RSPO2: variants seen among roughly 807,000 people sequenced by gnomAD.
RSPO2 encodes the protein R-spondin 2, also known as R-spondin-2.
A neutral mutation model predicts 30.9 loss-of-function variants in RSPO2; 14 were observed. The ratio of observed to expected loss-of-function variants is 0.45; its 90% CI spans 0.30 to 0.71. The LOEUF (loss-of-function observed/expected upper bound fraction) is 0.71, where lower values mean the gene tolerates loss of function less well. Ranked by LOEUF, RSPO2 falls within the 30% of genes least tolerant of loss-of-function variation. The pLI is 0.08. For synonymous variants in RSPO2, 107 were observed against 96.4 expected (o/e 1.11, Z -0.64); for missense variants, 264 against 301.9 (o/e 0.87, Z 0.93).
chr8:107,957,175 C>A (rs556972060), intron 5 of RSPO2, among the ~76,000 whole-genome samples: 1 of 152,290 alleles, frequency 6.6e-6, no homozygotes, highest in African/African-American at 2.4e-5. Flanking sequence ...TCTTTCTGGG[C>A]TATGGTCATA....
chr8:108,067,369 TG>T (rs1293555742), intron 2 of RSPO2, among the ~76,000 whole-genome samples: 1 of 152,210 alleles, frequency 6.6e-6, no homozygotes, highest in Non-Finnish European at 1.5e-5. Context: ...AATCTCTATT[TG>T]TAAGAAATAC....
chr8:108,071,741 A>C (rs1194018321), intron 2 of RSPO2, among the ~76,000 whole-genome samples: 1 of 152,196 alleles, frequency 6.6e-6, no homozygotes, highest in Non-Finnish European at 1.5e-5. Flanking sequence ...AAACACACAC[A>C]CATCTGAAGA....
At chr8:108,075,661 G>T (rs1440852425) in intron 2 of RSPO2, among the ~76,000 whole-genome samples, 1 of 147,542 alleles carries the variant, frequency 6.8e-6, no homozygotes, top group Non-Finnish European at 1.5e-5. Context: ...TACTGGGCTG[G>T]GAATGCTTTT....
intron 3 of RSPO2, among the ~76,000 whole-genome samples, chr8:107,964,319 T>C (rs1352088802): frequency 6.6e-6 from 1 of 152,260 alleles, no homozygotes; most frequent in Non-Finnish European, 1.5e-5. Context: ...CTCGGCTCAC[T>C]GCGACCTCTG....
chr8:107,903,792 T>C (rs1203156803), intron 5 of RSPO2, among the ~76,000 whole-genome samples: 1 of 152,104 alleles, frequency 6.6e-6, no homozygotes, highest in Non-Finnish European at 1.5e-5. Context: ...GTTTTGCTTT[T>C]GGCCAGTCCC....
At chr8:107,984,699 T>C (rs915695041) in intron 3 of RSPO2, among the ~76,000 whole-genome samples, 1 of 152,226 alleles carries the variant, frequency 6.6e-6, no homozygotes, top group Non-Finnish European at 1.5e-5. Context: ...TTTTTAATGA[T>C]GCAAGAGTGG....
chr8:107,960,724 T>A lies in RSPO2; in HGVS notation c.377A>T (p.Asp126Val). 6.2e-7 allele frequency: 1 copy of A among 1,613,656 alleles called. No individual in the cohort carries two copies. The highest frequency in any genetic ancestry group is 8.5e-7 in the Non-Finnish European group (1 of 1,179,760). The part of the protein sequence containing the change: ...GFYLHRGRCF[D>V]ECPDGFAPLE... The stretch of plus-strand genomic sequence containing the variant: ...TGGTGCAAAACCATCTGGACATTCA[T>A]CAAAGCAACGGCCTCTATGCAAATA... The change falls in exon 4 of 6, where the codon GAT becomes GTT. Residue 126 changes from aspartate to valine, a missense_variant. Coordinates refer to ENST00000276659, the MANE Select transcript of RSPO2 (RefSeq NM_178565.5).
chr8:107,954,543 T>C (rs188378660), intron 5 of RSPO2, among the ~76,000 whole-genome samples: 1 of 152,180 alleles, frequency 6.6e-6, no homozygotes, highest in East Asian at 1.9e-4. Context: ...TTTCCACTTG[T>C]TTCCTATACT....
At chr8:108,018,805 C>A (rs892119838) in intron 2 of RSPO2, among the ~76,000 whole-genome samples, 1 of 152,052 alleles carries the variant, frequency 6.6e-6, no homozygotes, top group Non-Finnish European at 1.5e-5. Context: ...GCCAGTACTC[C>A]GAATTTCATA....
chr8:107,983,206 A>G, intron 3 of RSPO2: 1 of 1,572,956 alleles, frequency 6.4e-7, no homozygotes, highest in Non-Finnish European at 8.7e-7. Flanking sequence ...CGAAGAGGCT[A>G]TTTCTTGTCA....
intron 2 of RSPO2, among the ~76,000 whole-genome samples, chr8:108,022,945 C>CA (rs1307561587): frequency 0.017 from 2,457 of 147,354 alleles, 54 homozygotes; most frequent in African/African-American, 0.045. Context: ...AAAAAAAAAA[C>CA]CACACACACA....
intron 2 of RSPO2, among the ~76,000 whole-genome samples, chr8:108,010,061 T>TA (rs371959510): frequency 3.0e-3 from 430 of 143,784 alleles, no homozygotes; most frequent in African/African-American, 0.01. Flanking sequence ...AAAATAAAAA[T>TA]AAAAAAAAAA....
At chr8:108,006,967 T>C (rs925468292) in intron 2 of RSPO2, among the ~76,000 whole-genome samples, 34 of 152,206 alleles carry the variant, frequency 2.2e-4, no homozygotes, top group African/African-American at 8.2e-4. Flanking sequence ...TTCTTCAGCA[T>C]GTACCTTCTA....
intron 2 of RSPO2, among the ~76,000 whole-genome samples, chr8:108,049,934 A>G (rs1403935712): frequency 1.3e-5 from 2 of 152,182 alleles, no homozygotes; most frequent in African/African-American, 4.8e-5. Flanking sequence ...AGAGTTACAT[A>G]TATCTTAGGC....
intron 2 of RSPO2, among the ~76,000 whole-genome samples, chr8:108,077,969 G>A (rs16877149): frequency 0.2 from 30,256 of 152,004 alleles, 3,346 homozygotes; most frequent in East Asian, 0.43. Context: ...ATAAGGATAC[G>A]TATTTCCAAA....
intron 2 of RSPO2, among the ~76,000 whole-genome samples, chr8:108,076,658 A>G (rs2130734113): frequency 6.6e-6 from 1 of 152,322 alleles, no homozygotes; most frequent in South Asian, 2.1e-4. Context: ...GGGAGGGGGC[A>G]CAGAAAAGAA....
In RSPO2 at chr8:107,901,221, C is replaced by T. The variant is rs779910410; in HGVS notation, c.617-31G>A. On this transcript the variant is annotated intron_variant, in intron 5 of 5. Coordinates refer to ENST00000276659, the MANE Select transcript of RSPO2 (RefSeq NM_178565.5). ...ATGAAGGAAAGAAAAGAAGAGATGTCAGAAATGGCTCTTTCTCTAGGAAAG... is the reference window on the plus strand; with the variant it reads ...ATGAAGGAAAGAAAAGAAGAGATGTTAGAAATGGCTCTTTCTCTAGGAAAG... 1.4e-5 allele frequency: 22 copies of T among 1,586,296 alleles called. No individual in the cohort carries two copies. The Admixed American group carries it at 4.0e-4, about 29-fold the overall frequency.
At chr8:108,057,773 A>T (rs1812303833) in intron 2 of RSPO2, among the ~76,000 whole-genome samples, 1 of 152,010 alleles carries the variant, frequency 6.6e-6, no homozygotes, top group Non-Finnish European at 1.5e-5. Flanking sequence ...CAATATAACC[A>T]GTTTCTTCAG....
intron 2 of RSPO2, among the ~76,000 whole-genome samples, chr8:107,992,047 G>A (rs1488410889): frequency 6.6e-6 from 1 of 151,982 alleles, no homozygotes; most frequent in African/African-American, 2.4e-5. Flanking sequence ...TATACCCAGA[G>A]GAATATAAAT....
Sources: allele counts gnomAD v4.1 joint callset (sites outside exome capture counted in the v4.1 genomes callset), GRCh38; gene constraint gnomAD v4.1.1; transcripts MANE v1.5; gene names NCBI Gene and HGNC (gene_info 2026-07-23, HGNC 2026-07-21).